Variants in KCTD8 observed in about 807,000 individuals in gnomAD.
The protein encoded by KCTD8 is potassium channel tetramerization domain containing 8, also known as BTB/POZ domain-containing protein KCTD8.
KCTD8 carries 27 observed loss-of-function variants against 31.5 expected under a neutral mutation model. The observed-to-expected ratio is 0.86, with a 90% CI of 0.63 to 1.18. KCTD8 has a LOEUF of 1.18. Ranked by LOEUF, KCTD8 falls within the 50% of genes most tolerant of loss-of-function variation. KCTD8 has a pLI of 0.00. For missense variants in KCTD8, 658 were observed against 647.7 expected (o/e 1.02, Z -0.17); for synonymous variants, 290 against 280.0 (o/e 1.04, Z -0.36).
intron 1 of KCTD8, among the ~76,000 whole-genome samples, chr4:44,196,768 C>G (rs534877852): frequency 6.6e-6 from 1 of 152,180 alleles, no homozygotes; most frequent in Admixed American, 6.5e-5. Flanking sequence ...AACGAGAGAA[C>G]CCCCTCCTTT....
chr4:44,214,747 C>T (rs1259798483), intron 1 of KCTD8, among the ~76,000 whole-genome samples: 2 of 152,234 alleles, frequency 1.3e-5, no homozygotes, highest in South Asian at 2.1e-4. Context: ...GAAACAAAGT[C>T]GGTAACAGTC....
At chr4:44,411,377 CAAA>C (rs781705203) in intron 1 of KCTD8, among the ~76,000 whole-genome samples, 1 of 50,722 alleles carries the variant, frequency 2.0e-5, no homozygotes, top group Non-Finnish European at 5.5e-5. Flanking sequence ...GAGCCTGTCT[CAAA>C]AAAAAAAAAA....
intron 1 of KCTD8, among the ~76,000 whole-genome samples, chr4:44,248,683 G>A (rs1186373007): frequency 2.0e-5 from 3 of 151,916 alleles, no homozygotes; most frequent in Non-Finnish European, 4.4e-5. Context: ...TGAAATGGAA[G>A]CAAATGTTAT....
chr4:44,290,228 TATA>T (rs1191756121), intron 1 of KCTD8, among the ~76,000 whole-genome samples: 1 of 152,018 alleles, frequency 6.6e-6, no homozygotes, highest in Non-Finnish European at 1.5e-5. Context: ...AAGGGCATTA[TATA>T]ATAAGAAAGG....
intron 1 of KCTD8, among the ~76,000 whole-genome samples, chr4:44,372,477 G>A (rs1719816976): frequency 1.3e-5 from 2 of 152,208 alleles, no homozygotes; most frequent in Non-Finnish European, 2.9e-5. Flanking sequence ...GCCTTATAGA[G>A]GAGGTGACAG....
At chr4:44,439,936 ATTTATTT>A (rs1721777299) in intron 1 of KCTD8, among the ~76,000 whole-genome samples, 5 of 148,610 alleles carry the variant, frequency 3.4e-5, no homozygotes, top group African/African-American at 1.2e-4. Flanking sequence ...TTATTTATTT[ATTTATTT>A]ATGTTTTTGA....
chr4:44,280,976 G>A (rs541722361), intron 1 of KCTD8, among the ~76,000 whole-genome samples: 7 of 151,994 alleles, frequency 4.6e-5, no homozygotes, highest in Non-Finnish European at 7.4e-5. Flanking sequence ...TAAGACAAGC[G>A]CCATTTTTAT....
At position 44,448,011 on chromosome 4, in the gene KCTD8, C is replaced by G. The variant is rs754288522; in HGVS notation, c.513G>C (p.Gln171His). Residue 171 changes from glutamine to histidine, a missense_variant, in exon 1 of 2, where the codon CAG (glutamine) becomes CAC (histidine). Transcript: ENST00000360029. The surrounding 1 kb of genome is among the most constrained non-coding windows in gnomAD (Gnocchi z 4.1). The part of the protein sequence containing the change: ...CQSDLEDNVS[Q>H]GSSDALLLRG... ...GCAGCAGCAGCGCGTCGCTGCTACC[C>G]TGCGAGACGTTGTCCTCCAGGTCGC... The G allele has an allele frequency of 1.3e-5, 20 of 1,594,540 alleles. No individual in the cohort carries two copies. The African/African-American group carries it at 2.0e-4, about 16-fold the overall frequency.
At chr4:44,343,571 C>A (rs1718961127) in intron 1 of KCTD8, among the ~76,000 whole-genome samples, 1 of 152,082 alleles carries the variant, frequency 6.6e-6, no homozygotes, top group Admixed American at 6.6e-5. Flanking sequence ...ACAGGGTTAC[C>A]AAAATCCTTC....
intron 1 of KCTD8, among the ~76,000 whole-genome samples, chr4:44,220,361 G>A (rs1471348062): frequency 1.3e-5 from 2 of 152,196 alleles, no homozygotes; most frequent in African/African-American, 2.4e-5. Flanking sequence ...ATCTTCAGAA[G>A]TGGGTGGAAA....
chr4:44,408,657 T>C (rs555948629), intron 1 of KCTD8, among the ~76,000 whole-genome samples: 6 of 152,276 alleles, frequency 3.9e-5, no homozygotes, highest in African/African-American at 1.4e-4. Flanking sequence ...TCTTGCGCTG[T>C]TGCCAGCCTG....
intron 1 of KCTD8, among the ~76,000 whole-genome samples, chr4:44,283,034 A>T (rs1219682369): frequency 2.6e-5 from 2 of 77,890 alleles, no homozygotes; most frequent in South Asian, 9.2e-4. Context: ...TTTTATTATT[A>T]TTATTATTAT....
intron 1 of KCTD8, among the ~76,000 whole-genome samples, chr4:44,304,493 T>G (rs1423298060): frequency 6.6e-6 from 1 of 152,168 alleles, no homozygotes; most frequent in East Asian, 1.9e-4. Flanking sequence ...TTCAGCCTCT[T>G]ATTCAGTAGT....
At position 44,447,707 on chromosome 4, in the gene KCTD8, A is replaced by C; in HGVS notation, c.817T>G (p.Phe273Val). 1 of 1,612,332 alleles carries C rather than the reference A, an allele frequency of 6.2e-7. No homozygotes were observed. Among genetic ancestry groups the C allele is most frequent in the Non-Finnish European group, 8.5e-7 (1 of 1,179,336 alleles). Residue 273 changes from phenylalanine (F) to valine (V), a missense_variant, in exon 1 of 2, where the codon TTC becomes GTC. Transcript: ENST00000360029. The stretch of plus-strand genomic sequence containing the variant: ...TCAAAGGCCTGCTCCAAGTAGGTGA[A>C]CTTGAGGTAGAAGCGGGACGTGTAC... ...EKYTSRFYLK[F>V]TYLEQAFDRL...
chr4:44,293,317 T>G, intron 1 of KCTD8: 1 of 375,568 alleles, frequency 2.7e-6, no homozygotes, highest in Non-Finnish European at 5.2e-6. Context: ...TGAGTCCAAA[T>G]GCTTTTCAAA....
intron 1 of KCTD8, among the ~76,000 whole-genome samples, chr4:44,340,302 A>AT (rs34679049): frequency 0.013 from 1,793 of 143,034 alleles, 29 homozygotes; most frequent in African/African-American, 0.041. Flanking sequence ...ACATATGTAC[A>AT]TTTTTGTTTT....
chr4:44,262,997 G>A (rs1466279725), intron 1 of KCTD8, among the ~76,000 whole-genome samples: 1 of 152,134 alleles, frequency 6.6e-6, no homozygotes, highest in Non-Finnish European at 1.5e-5. Context: ...CATAATAGAA[G>A]ATCAGCTTAG....
intron 1 of KCTD8, among the ~76,000 whole-genome samples, chr4:44,398,574 T>C (rs769219958): frequency 1.1e-4 from 16 of 152,214 alleles, no homozygotes; most frequent in Non-Finnish European, 2.9e-5. Flanking sequence ...ATGGCCATTA[T>C]AGCAGCCTTT....
intron 1 of KCTD8, among the ~76,000 whole-genome samples, chr4:44,319,970 A>C (rs778700175): frequency 1.3e-5 from 2 of 151,804 alleles, no homozygotes; most frequent in Non-Finnish European, 2.9e-5. Flanking sequence ...TCATGAGTTC[A>C]ATACCAGCCT....
Sources: gnomAD v4.1 joint callset for allele counts (sites outside exome capture counted in the v4.1 genomes callset) on GRCh38, gnomAD v4.1.1 for gene constraint, Gnocchi (gnomAD v3.1) non-coding constraint, MANE v1.5 for transcripts, NCBI Gene and HGNC (gene_info 2026-07-23, HGNC 2026-07-21) for gene names.